Variants in PRKD1 observed in about 807,000 individuals in gnomAD.
The protein encoded by PRKD1 is protein kinase D1.
In PRKD1, 63 loss-of-function variants were observed where a neutral mutation model predicts 95.9. The observed-to-expected ratio is 0.66, with a 90% CI of 0.54 to 0.81. The LOEUF (loss-of-function observed/expected upper bound fraction) is 0.81. Among genes scored for constraint, PRKD1 ranks in the 30% least tolerant of loss-of-function variants. The pLI is 0.00. For missense variants in PRKD1, 1,048 were observed against 1,165.3 expected (o/e 0.90, Z 1.47); for synonymous variants, 425 against 423.1 (o/e 1.00, Z -0.05).
intron 13 of PRKD1, among the ~76,000 whole-genome samples, chr14:29,609,342 T>TGCAC (rs1161822159): frequency 2.6e-5 from 4 of 152,160 alleles, no homozygotes; most frequent in Non-Finnish European, 5.9e-5. Flanking sequence ...TAGCTTATAA[T>TGCAC]GCACAATGCA....
chr14:29,691,729 GA>G (rs1218563599), intron 2 of PRKD1, among the ~76,000 whole-genome samples: 1 of 152,148 alleles, frequency 6.6e-6, no homozygotes, highest in African/African-American at 2.4e-5. Context: ...CTGGTGCTTT[GA>G]GGGGAAGAAT....
chr14:29,783,061 TTA>T (rs1159254435), intron 1 of PRKD1, among the ~76,000 whole-genome samples: 1 of 152,202 alleles, frequency 6.6e-6, no homozygotes, highest in Non-Finnish European at 1.5e-5. Flanking sequence ...TCATTGTTAA[TTA>T]TAGTCATCCT....
intron 1 of PRKD1, among the ~76,000 whole-genome samples, chr14:29,884,233 C>A (rs1893616078): frequency 6.6e-6 from 1 of 152,096 alleles, no homozygotes; most frequent in Non-Finnish European, 1.5e-5. Flanking sequence ...ACAATTTTTA[C>A]TGGCAAGGTT....
chr14:29,730,402 C>A (rs955166320), intron 1 of PRKD1, among the ~76,000 whole-genome samples: 2 of 151,818 alleles, frequency 1.3e-5, no homozygotes, highest in African/African-American at 4.8e-5. Flanking sequence ...AAAAGAGAAC[C>A]CTGTACACTC....
At chr14:29,661,878 A>C (rs1198040119) in intron 4 of PRKD1, among the ~76,000 whole-genome samples, 1 of 152,236 alleles carries the variant, frequency 6.6e-6, no homozygotes, top group African/African-American at 2.4e-5. Flanking sequence ...AGCATTCTTG[A>C]CAAAGTCTAA....
chr14:29,617,105 T>C (rs572544286), intron 13 of PRKD1, among the ~76,000 whole-genome samples: 6 of 152,342 alleles, frequency 3.9e-5, no homozygotes, highest in Admixed American at 2.0e-4. Context: ...CCTCCAGCTC[T>C]ATCCATGTTG....
chr14:29,826,826 T>TACAG (rs1310237149), intron 1 of PRKD1, among the ~76,000 whole-genome samples: 1 of 21,190 alleles, frequency 4.7e-5, no homozygotes, highest in Non-Finnish European at 8.0e-5. Context: ...CATATATATA[T>TACAG]ATATATATAT....
intron 1 of PRKD1, among the ~76,000 whole-genome samples, chr14:29,766,554 A>G (rs1388045721): frequency 6.6e-6 from 1 of 152,226 alleles, no homozygotes; most frequent in East Asian, 1.9e-4. Flanking sequence ...ATGTTAATCA[A>G]TGCCATGGTC....
At chr14:29,828,768 T>C (rs1891293490) in intron 1 of PRKD1, among the ~76,000 whole-genome samples, 1 of 152,172 alleles carries the variant, frequency 6.6e-6, no homozygotes, top group African/African-American at 2.4e-5. Context: ...ATAAACACCT[T>C]GAAACCACCT....
At chr14:29,764,014 CGTAA>C (rs1157197880) in intron 1 of PRKD1, among the ~76,000 whole-genome samples, 3 of 152,020 alleles carry the variant, frequency 2.0e-5, no homozygotes, top group African/African-American at 7.3e-5. Context: ...CATGTACATA[CGTAA>C]GTGTGTGTAT....
At chr14:29,776,813 G>A (rs533782778) in intron 1 of PRKD1, among the ~76,000 whole-genome samples, 4 of 152,166 alleles carry the variant, frequency 2.6e-5, no homozygotes, top group African/African-American at 9.6e-5. Context: ...GACAATCCTC[G>A]AGAAGAGCAA....
chr14:29,892,075 T>G (rs2067486), intron 1 of PRKD1, among the ~76,000 whole-genome samples: 1 of 152,204 alleles, frequency 6.6e-6, no homozygotes, highest in African/African-American at 2.4e-5. Context: ...AAGCCTTATG[T>G]CCTCTCAATA....
Position 29,690,160 on chromosome 14 carries a change from G to A in PRKD1, c.404-23952C>T, listed in dbSNP as rs567143303. ...AACAAAAAGAAGAAGAGAGGTCTCCGTCTCTTCTTACTTTCTAGATAAGGT... is the reference window on the plus strand; with the variant it reads ...AACAAAAAGAAGAAGAGAGGTCTCCATCTCTTCTTACTTTCTAGATAAGGT... On this transcript the variant is annotated intron_variant, in intron 2 of 17. Coordinates refer to ENST00000331968, the MANE Select transcript of PRKD1 (RefSeq NM_002742.3). Among the ~76,000 whole-genome samples the A allele has an allele frequency of 7.2e-5, 11 of 152,094 alleles. No homozygotes were observed. The East Asian group carries it at 7.7e-4, about 11-fold the overall frequency.
chr14:29,796,500 C>T (rs1889820978), intron 1 of PRKD1, among the ~76,000 whole-genome samples: 1 of 152,068 alleles, frequency 6.6e-6, no homozygotes, highest in Non-Finnish European at 1.5e-5. Flanking sequence ...AGTTGGTAGT[C>T]ATCAGTCTAT....
At chr14:29,715,456 T>C (rs1885559855) in intron 2 of PRKD1, among the ~76,000 whole-genome samples, 1 of 152,110 alleles carries the variant, frequency 6.6e-6, no homozygotes, top group Non-Finnish European at 1.5e-5. Flanking sequence ...TCGCATATGG[T>C]TAAAAGCTAC....
intron 1 of PRKD1, among the ~76,000 whole-genome samples, chr14:29,835,680 C>T (rs1339055453): frequency 6.6e-6 from 1 of 152,168 alleles, no homozygotes; most frequent in African/African-American, 2.4e-5. Context: ...AAGCGATTCT[C>T]CTGCCTCAGC....
intron 1 of PRKD1, among the ~76,000 whole-genome samples, chr14:29,840,750 A>G (rs1311247003): frequency 6.6e-6 from 1 of 152,226 alleles, no homozygotes; most frequent in Non-Finnish European, 1.5e-5. Flanking sequence ...GAGCTTGTGC[A>G]GAGAAACTCC....
chr14:29,760,410 C>A (rs1275471081), intron 1 of PRKD1, among the ~76,000 whole-genome samples: 1 of 141,414 alleles, frequency 7.1e-6, no homozygotes, highest in African/African-American at 2.7e-5. Context: ...GGCTGGAGTG[C>A]AGTGGCACGA....
chr14:29,863,346 G>A (rs1892774008), intron 1 of PRKD1, among the ~76,000 whole-genome samples: 1 of 152,172 alleles, frequency 6.6e-6, no homozygotes, highest in Non-Finnish European at 1.5e-5. Context: ...TTTGAAGACA[G>A]TGGAATTAAA....
Sources: gnomAD v4.1 joint callset for allele counts (sites outside exome capture counted in the v4.1 genomes callset) on GRCh38, gnomAD v4.1.1 for gene constraint, MANE v1.5 for transcripts, NCBI Gene and HGNC (gene_info 2026-07-23, HGNC 2026-07-21) for gene names.